Variants in RARB observed in about 807,000 individuals in gnomAD.
RARB encodes the protein retinoic acid receptor beta, also known as HBV-activated protein.
In RARB, 17 loss-of-function variants were observed where a neutral mutation model predicts 51.9. The observed-to-expected ratio is 0.33, with a 90% CI of 0.22 to 0.49. RARB has a LOEUF of 0.49. RARB is among the 20% of genes least tolerant of loss of function. The pLI is 0.99. For synonymous variants in RARB, 215 were observed against 195.4 expected, an observed-to-expected ratio of 1.10 and a Z score of -0.84; for missense variants, 369 against 550.8, an observed-to-expected ratio of 0.67 and a Z score of 3.30.
rs148208400 is a variant in RARB at position 25,570,843 on chromosome 3, T to G, written c.609+925T>G. On this transcript the variant is annotated intron_variant, in intron 4 of 7. Coordinates refer to ENST00000330688, the MANE Select transcript of RARB (RefSeq NM_000965.5). Reference sequence around the variant, plus strand: ...TGGTAAACATACTTTAAAAACAAAATCCAAATATTGTAGCACTTGCTGGCT... The same window carrying G: ...TGGTAAACATACTTTAAAAACAAAAGCCAAATATTGTAGCACTTGCTGGCT... Among the ~76,000 whole-genome samples the G allele has an allele frequency of 3.8e-3, 571 of 151,808 alleles. 3 individuals carry two copies. Among genetic ancestry groups the G allele is most frequent in the African/African-American group, 0.013 (536 of 41,380 alleles).
chr3:25,077,283 T>G (rs1354793385), intron 3 of RARB, among the ~76,000 whole-genome samples: 2 of 152,204 alleles, frequency 1.3e-5, no homozygotes, highest in African/African-American at 2.4e-5. Context: ...TTTTGACATA[T>G]GCTCACATGT....
At chr3:24,896,418 T>C (rs536522024) in intron 2 of RARB, among the ~76,000 whole-genome samples, 27 of 152,096 alleles carry the variant, frequency 1.8e-4, no homozygotes, top group Non-Finnish European at 3.4e-4. Flanking sequence ...CACCACCACG[T>C]CCGGCTAATT....
At chr3:25,365,348 G>A (rs1706085388) in intron 5 of RARB, among the ~76,000 whole-genome samples, 1 of 151,744 alleles carries the variant, frequency 6.6e-6, no homozygotes, top group African/African-American at 2.4e-5. Flanking sequence ...CTGGGCTAAA[G>A]TGATCCTCCT....
Position 25,276,848 on chromosome 3 carries a change from A to C in RARB, c.178+102273A>C, listed in dbSNP as rs74529211. ...GTTGACAGGTCTCGGGATCAAAAGC[A>C]CTTGACTAATACGGTATATATTGGC... On this transcript the variant is annotated intron_variant, in intron 5 of 11. Coordinates refer to the RARB transcript ENST00000383772. Among the ~76,000 whole-genome samples the C allele has an allele frequency of 5.2e-4, 79 of 152,324 alleles. No individual in the cohort carries two copies. The East Asian group carries it at 0.014, about 27-fold the overall frequency.
At chr3:25,106,049 C>T (rs1699493158) in intron 3 of RARB, among the ~76,000 whole-genome samples, 1 of 152,150 alleles carries the variant, frequency 6.6e-6, no homozygotes, top group South Asian at 2.1e-4. Context: ...GGAAAGACAG[C>T]AAGGACTGTG....
intron 3 of RARB, among the ~76,000 whole-genome samples, chr3:25,099,528 T>G (rs185297459): frequency 1.3e-5 from 2 of 151,846 alleles, no homozygotes; most frequent in Admixed American, 1.3e-4. Flanking sequence ...TGAATCAAAT[T>G]ACATCTTCTT....
intron 3 of RARB, among the ~76,000 whole-genome samples, chr3:25,074,664 G>C (rs554307963): frequency 2.6e-5 from 4 of 152,044 alleles, no homozygotes; most frequent in African/African-American, 9.7e-5. Context: ...ATTTCTTGAA[G>C]AGATGTATAT....
At chr3:24,977,354 T>G (rs1413393330) in intron 2 of RARB, among the ~76,000 whole-genome samples, 4 of 152,212 alleles carry the variant, frequency 2.6e-5, no homozygotes. Context: ...CTCTGGGCGG[T>G]ATGGAGACTT....
intron 4 of RARB, among the ~76,000 whole-genome samples, chr3:25,574,959 T>G (rs1252862036): frequency 6.6e-6 from 1 of 152,160 alleles, no homozygotes; most frequent in Non-Finnish European, 1.5e-5. Flanking sequence ...CTCACAGCTG[T>G]CTGACTTTGA....
At chr3:25,041,360 AT>A (rs1463956608) in intron 2 of RARB, among the ~76,000 whole-genome samples, 5 of 152,164 alleles carry the variant, frequency 3.3e-5, no homozygotes, top group Non-Finnish European at 7.3e-5. Flanking sequence ...ATATTTAAAT[AT>A]TCGAATCCAT....
intron 4 of RARB, among the ~76,000 whole-genome samples, chr3:25,145,717 A>C (rs2125338924): frequency 6.6e-6 from 1 of 152,278 alleles, no homozygotes; most frequent in South Asian, 2.1e-4. Context: ...TTGTCAAAAA[A>C]TTCATGCCTG....
intron 5 of RARB, among the ~76,000 whole-genome samples, chr3:25,321,554 CTAAAAAT>C (rs1237498542): frequency 2.6e-5 from 4 of 151,808 alleles, no homozygotes; most frequent in African/African-American, 9.7e-5. Context: ...CCCTTCTCTA[CTAAAAAT>C]TAAAAATTAG....
intron 2 of RARB, among the ~76,000 whole-genome samples, chr3:24,887,274 A>G (rs1703284749): frequency 6.6e-6 from 1 of 152,254 alleles, no homozygotes; most frequent in East Asian, 1.9e-4. Context: ...TTACAATAGA[A>G]AATAATTTTC....
Position 24,927,572 on chromosome 3 carries a change from G to A in RARB, c.-380+68820G>A, listed in dbSNP as rs1695347009. On this transcript the variant is annotated intron_variant, in intron 2 of 11. Transcript: ENST00000383772. ...CAGTAATTCAGATAAGAGCTGAAGT[G>A]TATGGCTACAGCCCCAGAAACATGC... Among the ~76,000 whole-genome samples, 3 of 152,096 alleles carry A rather than the reference G, an allele frequency of 2.0e-5. No individual in the cohort carries two copies. The South Asian group carries it at 6.2e-4, about 32-fold the overall frequency.
intron 1 of RARB, among the ~76,000 whole-genome samples, chr3:25,438,441 G>C (rs182699862): frequency 1.3e-5 from 2 of 152,310 alleles, no homozygotes; most frequent in East Asian, 3.9e-4. Context: ...TTCTGAAAAT[G>C]ATTAAATTAA....
intron 3 of RARB, among the ~76,000 whole-genome samples, chr3:25,518,274 G>T (rs1698259456): frequency 1.3e-5 from 2 of 151,938 alleles, no homozygotes; most frequent in African/African-American, 2.4e-5. Flanking sequence ...GGTAAAAATT[G>T]TTTCTGGTAG....
intron 3 of RARB, among the ~76,000 whole-genome samples, chr3:25,529,129 T>C (rs1002446241): frequency 2.0e-5 from 3 of 152,054 alleles, no homozygotes; most frequent in Non-Finnish European, 4.4e-5. Context: ...ATACAACAGT[T>C]TTGAAAAACA....
intron 3 of RARB, among the ~76,000 whole-genome samples, chr3:25,114,229 C>T (rs749444028): frequency 2.0e-4 from 30 of 152,150 alleles, no homozygotes; most frequent in Non-Finnish European, 4.0e-4. Context: ...GAAAGTATTA[C>T]CATTCAGGAA....
chr3:24,915,749 C>A (rs879709079), intron 2 of RARB, among the ~76,000 whole-genome samples: 11 of 152,102 alleles, frequency 7.2e-5, no homozygotes, highest in Admixed American at 7.2e-4. Flanking sequence ...GGTGAGCTCA[C>A]CAAATAGCTT....
Sources: allele counts gnomAD v4.1 joint callset (sites outside exome capture counted in the v4.1 genomes callset), GRCh38; gene constraint gnomAD v4.1.1; transcripts MANE v1.5; gene names NCBI Gene and HGNC (gene_info 2026-07-23, HGNC 2026-07-21).